The following PDE1C variants were observed in gnomAD, a reference collection of about 807,000 sequenced individuals.
PDE1C encodes dual specificity calcium/calmodulin-dependent 3',5'-cyclic nucleotide phosphodiesterase 1C.
Under a neutral mutation model 93.1 loss-of-function variants are expected in PDE1C, and 62 were observed. That is an observed-to-expected ratio of 0.67 (90% confidence interval 0.54 to 0.82). The LOEUF (loss-of-function observed/expected upper bound fraction) is 0.82. PDE1C is among the 40% of genes least tolerant of loss of function. The pLI is 0.00. For synonymous variants in PDE1C, 325 were observed against 310.1 expected (o/e 1.05, Z -0.50); for missense variants, 742 against 884.6 (o/e 0.84, Z 2.04).
At chr7:31,998,716 C>T (rs1030271154) in intron 2 of PDE1C, among the ~76,000 whole-genome samples, 4 of 152,164 alleles carry the variant, frequency 2.6e-5, no homozygotes, top group Non-Finnish European at 5.9e-5. Context: ...ATTTCATTAA[C>T]ACAAAAATTC....
chr7:32,263,393 A>C (rs1034852821), intron 1 of PDE1C, among the ~76,000 whole-genome samples: 2 of 151,838 alleles, frequency 1.3e-5, no homozygotes, highest in Admixed American at 1.3e-4. Flanking sequence ...GTGTGTAGTG[A>C]ATAAATTTAA....
chr7:31,702,514 G>A, the PDE1C span, among the ~76,000 whole-genome samples: 2 of 152,130 alleles, frequency 1.3e-5, no homozygotes, highest in South Asian at 2.1e-4. Context: ...CAGCCAGCTC[G>A]AAGCCTCTGC....
At chr7:31,976,984 G>A (rs1298251498) in intron 2 of PDE1C, among the ~76,000 whole-genome samples, 4 of 152,128 alleles carry the variant, frequency 2.6e-5, no homozygotes, top group Admixed American at 2.6e-4. Context: ...ACCCATCCCA[G>A]ACCTACTGAA....
intron 2 of PDE1C, among the ~76,000 whole-genome samples, chr7:32,003,416 G>A (rs765045385): frequency 2.6e-5 from 4 of 152,202 alleles, no homozygotes; most frequent in Non-Finnish European, 5.9e-5. Flanking sequence ...TTTCTGTATA[G>A]TGCAATCACA....
At chr7:32,012,651 A>T (rs1787300765) in intron 2 of PDE1C, among the ~76,000 whole-genome samples, 1 of 152,164 alleles carries the variant, frequency 6.6e-6, no homozygotes. Flanking sequence ...CATGAGGAAA[A>T]TTTTGGAAGT....
chr7:31,876,617 A>C (rs537596898), intron 5 of PDE1C, among the ~76,000 whole-genome samples: 1 of 152,344 alleles, frequency 6.6e-6, no homozygotes, highest in South Asian at 2.1e-4. Context: ...TTGAACATTC[A>C]GGTTCAATTA....
chr7:32,096,190 T>A lies in PDE1C; in HGVS notation c.308+73595A>T, dbSNP rs896998945. 2.0e-5 allele frequency among the ~76,000 whole-genome samples: 3 copies of A among 152,306 alleles called. No individual in the cohort carries two copies. In the East Asian group the frequency reaches 5.8e-4, roughly 29 times the overall value. ...ACTCAGCCCTGCCTTTTATGGATCA[T>A]CTTGAAGCATTGATGTGCTCCCAGT... On this transcript the variant is annotated intron_variant, in intron 3 of 18. Transcript: ENST00000396193.
intron 2 of PDE1C, among the ~76,000 whole-genome samples, chr7:31,919,547 A>G (rs1365638212): frequency 6.6e-6 from 1 of 152,160 alleles, no homozygotes; most frequent in Non-Finnish European, 1.5e-5. Flanking sequence ...TCAAGAGAGA[A>G]AAAAAAGACC....
intron 2 of PDE1C, among the ~76,000 whole-genome samples, chr7:31,967,206 C>A (rs1285001136): frequency 6.6e-6 from 1 of 152,124 alleles, no homozygotes; most frequent in Non-Finnish European, 1.5e-5. Flanking sequence ...AATTGATAGA[C>A]CGCTAGCAAG....
At chr7:32,020,091 T>C (rs1370029976) in intron 2 of PDE1C, among the ~76,000 whole-genome samples, 3 of 152,222 alleles carry the variant, frequency 2.0e-5, no homozygotes, top group South Asian at 2.1e-4. Flanking sequence ...GGAGAGCCCA[T>C]GCCGGGATCC....
the PDE1C span, among the ~76,000 whole-genome samples, chr7:31,733,987 G>C: frequency 6.7e-6 from 1 of 150,160 alleles, no homozygotes; most frequent in Non-Finnish European, 1.5e-5. Flanking sequence ...CTGGGCAACA[G>C]AGTGAGACTC....
chr7:31,698,365 C>T, the PDE1C span, among the ~76,000 whole-genome samples: 1 of 152,170 alleles, frequency 6.6e-6, no homozygotes, highest in East Asian at 1.9e-4. Flanking sequence ...TCTCTTCCCA[C>T]TTCCAATTAC....
chr7:31,684,109 T>A, the PDE1C span, among the ~76,000 whole-genome samples: 1 of 152,176 alleles, frequency 6.6e-6, no homozygotes, highest in Non-Finnish European at 1.5e-5. Flanking sequence ...GCCCTGTCAG[T>A]TGCTGTTTAC....
At chr7:31,967,664 A>T (rs1810238165) in intron 2 of PDE1C, among the ~76,000 whole-genome samples, 1 of 152,230 alleles carries the variant, frequency 6.6e-6, no homozygotes, top group Admixed American at 6.5e-5. Flanking sequence ...CAAACAAGAG[A>T]ATTTTAGACC....
chr7:31,858,858 C>G (rs891122214), intron 7 of PDE1C, among the ~76,000 whole-genome samples: 2 of 151,344 alleles, frequency 1.3e-5, no homozygotes, highest in Non-Finnish European at 2.9e-5. Flanking sequence ...GATGTTATAA[C>G]CAAAGAAAAT....
intron 1 of PDE1C, among the ~76,000 whole-genome samples, chr7:32,320,543 G>T (rs1359004259): frequency 6.6e-6 from 1 of 152,088 alleles, no homozygotes; most frequent in Non-Finnish European, 1.5e-5. Flanking sequence ...GAGTTAAAGG[G>T]ATTATGCAAG....
At chr7:32,358,183 A>G (rs1423835691) in intron 1 of PDE1C, among the ~76,000 whole-genome samples, 2 of 152,140 alleles carry the variant, frequency 1.3e-5, no homozygotes, top group East Asian at 3.9e-4. Flanking sequence ...CAGGTCCACA[A>G]CCTAACAAAT....
chr7:31,619,830 G>T, the PDE1C span, among the ~76,000 whole-genome samples: 10 of 152,158 alleles, frequency 6.6e-5, no homozygotes, highest in African/African-American at 2.2e-4. Context: ...AAGCGCAAGG[G>T]GTCAGGGAGT....
At chr7:32,282,485 A>ATAGATAGCTAGATAGATAGATAG (rs1554300216) in intron 1 of PDE1C, among the ~76,000 whole-genome samples, 1 of 143,930 alleles carries the variant, frequency 6.9e-6, no homozygotes, top group Admixed American at 6.9e-5. Flanking sequence ...TCAAAAAAAA[A>ATAGATAGCTAGATAGATAGATAG]ATAGATAGAT....
Sources: gnomAD v4.1 joint callset for allele counts (sites outside exome capture counted in the v4.1 genomes callset) on GRCh38, gnomAD v4.1.1 for gene constraint, MANE v1.5 for transcripts, NCBI Gene and HGNC (gene_info 2026-07-23, HGNC 2026-07-21) for gene names.